LRRC9: variants seen among roughly 807,000 people sequenced by gnomAD.
LRRC9 encodes leucine-rich repeat-containing protein 9.
A neutral mutation model predicts 63.2 loss-of-function variants in LRRC9; 122 were observed. The observed-to-expected ratio is 1.93, with a 90% confidence interval of 1.67 to 2.24. LRRC9 has a LOEUF of 2.24. Among genes scored for constraint, LRRC9 ranks in the 30% most tolerant of loss-of-function variants. The pLI is 0.00. For missense variants in LRRC9, 1,071 were observed against 627.7 expected, an observed-to-expected ratio of 1.71 and a Z score of -7.55; for synonymous variants, 366 against 213.1, an observed-to-expected ratio of 1.72 and a Z score of -6.25.
chr14:60,035,490 A>G (rs867761230), intron 29 of LRRC9, among the ~76,000 whole-genome samples: 24 of 152,174 alleles, frequency 1.6e-4, no homozygotes, highest in African/African-American at 5.5e-4. Context: ...TCTTAGATTC[A>G]AGTCTTCAAT....
intron 13 of LRRC9, among the ~76,000 whole-genome samples, chr14:59,975,062 AACTATGT>A (rs1566833105): frequency 4.8e-5 from 1 of 20,920 alleles, no homozygotes; most frequent in South Asian, 1.1e-3. Context: ...TGCTGAACTA[AACTATGT>A]GTGTGTGTGT....
chr14:60,026,244 T>G (rs983543652), intron 27 of LRRC9, among the ~76,000 whole-genome samples: 1 of 152,070 alleles, frequency 6.6e-6, no homozygotes, highest in Non-Finnish European at 1.5e-5. Context: ...TTTGAAGACA[T>G]TCTACCCCTT....
rs1326691949 is a variant in LRRC9, at chr14:59,990,772, CCTATTT to C, written c.2211+5550_2211+5555del. On this transcript the variant is annotated intron_variant, in intron 17 of 31. Transcript: ENST00000445360. This position sits in a 1 kb window ranked among gnomAD's most constrained non-coding sequence, Gnocchi z 4.2. ...GGTATTGAAGAGAACAAAACTCCTCCCTATTTCAATTGCTGTAAATTGGTCTCCACA... is the reference window on the plus strand; with the variant it reads ...GGTATTGAAGAGAACAAAACTCCTCCCAATTGCTGTAAATTGGTCTCCACA... 6.6e-6 allele frequency among the ~76,000 whole-genome samples: 1 copy of C among 152,148 alleles called. No homozygotes were observed. Among genetic ancestry groups the C allele is most frequent in the African/African-American group, 2.4e-5 (1 of 41,426 alleles).
At chr14:59,944,661 C>A in exon 8 of LRRC9, 1 of 663,706 alleles carries the variant, frequency 1.5e-6, no homozygotes, top group Non-Finnish European at 2.7e-6. Flanking sequence ...TAAAGAAGAC[C>A]TTGAAAAACT....
At chr14:59,988,170 A>G (rs986138290) in intron 17 of LRRC9, among the ~76,000 whole-genome samples, 7 of 152,208 alleles carry the variant, frequency 4.6e-5, no homozygotes, top group African/African-American at 1.7e-4. Context: ...CACATCTTAT[A>G]TATTTTCTGT....
In LRRC9 at chr14:60,003,116, A is replaced by T. The variant is rs769366515; in HGVS notation, c.2665-505A>T. Among the ~76,000 whole-genome samples, 29 of 152,234 alleles carry T rather than the reference A, an allele frequency of 1.9e-4. No homozygotes were observed. Among genetic ancestry groups the T allele is most frequent in the Admixed American group, 6.5e-4 (10 of 15,288 alleles). ...CTTTTATTACAAGATATATATAGAT[A>T]TTGAGCTGCAAATGAAGGCCCAGTG... On this transcript the variant is annotated intron_variant, in intron 20 of 31. Coordinates refer to ENST00000445360, the Ensembl canonical transcript of LRRC9. The surrounding 1 kb of genome is among the most constrained non-coding windows in gnomAD (Gnocchi z 4.2).
Position 59,942,004 on chromosome 14 carries a change from G to C in LRRC9, c.727-2585G>C, listed in dbSNP as rs1365231190. Among the ~76,000 whole-genome samples, 1 of 152,026 alleles carries C rather than the reference G, an allele frequency of 6.6e-6. No homozygotes were observed. The highest frequency in any genetic ancestry group is 2.4e-5 in the African/African-American group (1 of 41,390). On this transcript the variant is annotated intron_variant, in intron 7 of 31. Coordinates refer to ENST00000445360, the Ensembl canonical transcript of LRRC9. The surrounding 1 kb of genome is among the most constrained non-coding windows in gnomAD (Gnocchi z 5.3). ...CCTCCAATAGCTACAATTCTACTCT[G>C]TACTTCCATGAGCTCAAAAAATGTT... is the stretch of plus-strand genomic sequence containing the variant.
chr14:59,933,767 G>A (rs2139796023), intron 6 of LRRC9, among the ~76,000 whole-genome samples: 1 of 152,260 alleles, frequency 6.6e-6, no homozygotes, highest in Non-Finnish European at 1.5e-5. Flanking sequence ...GATCTTCTGG[G>A]TAGCAGGGCG....
At chr14:59,975,264 A>G (rs562482658) in intron 13 of LRRC9, among the ~76,000 whole-genome samples, 2 of 149,294 alleles carry the variant, frequency 1.3e-5, no homozygotes, top group South Asian at 4.2e-4. Context: ...TATATAAAGT[A>G]CTCCGGAAGA....
intron 26 of LRRC9, among the ~76,000 whole-genome samples, chr14:60,022,364 C>G (rs890067838): frequency 3.3e-5 from 5 of 151,656 alleles, no homozygotes; most frequent in Non-Finnish European, 7.4e-5. Context: ...TGCTAAACTC[C>G]TTTATTGCTT....
intron 13 of LRRC9, among the ~76,000 whole-genome samples, chr14:59,975,760 A>G (rs970150186): frequency 6.6e-6 from 1 of 152,228 alleles, no homozygotes; most frequent in Admixed American, 6.5e-5. Flanking sequence ...GCGTGGTACC[A>G]AAGAATGTAT....
intron 18 of LRRC9, among the ~76,000 whole-genome samples, chr14:59,998,685 T>C (rs901438695): frequency 1.3e-5 from 2 of 152,046 alleles, no homozygotes; most frequent in South Asian, 2.1e-4. Flanking sequence ...TATTTTTCTT[T>C]TGCCAAAGCA....
At chr14:59,947,265 G>A (rs1220340245) in intron 8 of LRRC9, among the ~76,000 whole-genome samples, 1 of 144,442 alleles carries the variant, frequency 6.9e-6, no homozygotes, top group Admixed American at 6.9e-5. Flanking sequence ...CAGTGATGAT[G>A]AGCATTTTTT....
chr14:60,050,104 C>G (rs1034462429), intron 29 of LRRC9, among the ~76,000 whole-genome samples: 2 of 145,904 alleles, frequency 1.4e-5, no homozygotes, highest in African/African-American at 2.4e-5. Flanking sequence ...TCAAGTGATT[C>G]TCCTGCCTCA....
chr14:59,926,975 A>G lies in LRRC9; in HGVS notation c.-33-936A>G, dbSNP rs147305672. Among the ~76,000 whole-genome samples the G allele has an allele frequency of 3.3e-3, 506 of 152,216 alleles. 6 individuals carry two copies. The highest frequency in any genetic ancestry group is 0.011 in the African/African-American group (473 of 41,548). On this transcript the variant is annotated intron_variant, in intron 1 of 31. Transcript: ENST00000445360. ...AGGCAATTCTAAACATGCTTTTTTA[A>G]AAGTATCATTTTTTCTTTTCCATTT...
chr14:60,021,032 C>T (rs1358180545), intron 26 of LRRC9, among the ~76,000 whole-genome samples: 1 of 151,884 alleles, frequency 6.6e-6, no homozygotes, highest in Non-Finnish European at 1.5e-5. Flanking sequence ...TTGGGTCATA[C>T]AGTAACTTAA....
chr14:59,920,619 G>A (rs957480192), intron 1 of LRRC9, among the ~76,000 whole-genome samples: 1 of 152,040 alleles, frequency 6.6e-6, no homozygotes, highest in African/African-American at 2.4e-5. Flanking sequence ...GGTTTATTTG[G>A]ACCATCAGTG....
At chr14:60,062,089 G>A (rs1894691923) in intron 31 of LRRC9, 4 of 398,770 alleles carry the variant, frequency 1.0e-5, no homozygotes, top group Non-Finnish European at 1.8e-5. Context: ...CGGCAACTCA[G>A]AGGGATAAGT....
chr14:60,057,990 G>T (rs575100581), exon 31 of LRRC9: 12 of 659,354 alleles, frequency 1.8e-5, no homozygotes, highest in African/African-American at 1.4e-4. Context: ...CATTACTTGG[G>T]ATCTGACGTC....
Sources: gnomAD v4.1 joint callset for allele counts (sites outside exome capture counted in the v4.1 genomes callset) on GRCh38, gnomAD v4.1.1 for gene constraint, Gnocchi (gnomAD v3.1) non-coding constraint, MANE v1.5 for transcripts, NCBI Gene and HGNC (gene_info 2026-07-23, HGNC 2026-07-21) for gene names.